The following OR5H1 variants were observed in gnomAD, a reference collection of about 807,000 sequenced individuals.
The protein encoded by OR5H1 is olfactory receptor 5H1.
For missense variants in OR5H1, 378 were observed against 366.8 expected (o/e 1.03, Z -0.25); for synonymous variants, 124 against 134.4 (o/e 0.92, Z 0.54).
Position 98,132,853 on chromosome 3 carries a change from C to G in OR5H1, c.156C>G (p.Asp52Glu), listed in dbSNP as rs367833543. 2 of 1,613,530 alleles carry G rather than the reference C, an allele frequency of 1.2e-6. No homozygotes were observed. The highest frequency in any genetic ancestry group is 8.5e-7 in the Non-Finnish European group (1 of 1,179,608). The stretch of plus-strand genomic sequence containing the variant: ...GTCTGATTGCTGTCATCTGGAAAGA[C>G]CCTCACCTTCATATCCCAATGTACT... Reference protein sequence around the residue: ...NLGLIAVIWKDPHLHIPMYLL... With the variant: ...NLGLIAVIWKEPHLHIPMYLL... Residue 52 changes from aspartate (D) to glutamate (E), a missense_variant, in exon 2 of 2, where the codon GAC becomes GAG. By Grantham distance (45) the Asp-to-Glu change is conservative. Transcript: ENST00000641874.
chr3:98,134,987 T>C lies in OR5H1; in HGVS notation c.*1348T>C, dbSNP rs775232731. On this transcript the variant is annotated 3_prime_UTR_variant, in exon 2 of 2. Coordinates refer to ENST00000641874, the MANE Select transcript of OR5H1 (RefSeq NM_001005338.2). ...GTTTTAGGTATCTTATATCTATATG[T>C]ATACATATGCATATGTTTAGTTTTT... 26 of 152,158 alleles carry C rather than the reference T, an allele frequency of 1.7e-4. No individual in the cohort carries two copies. Among genetic ancestry groups the C allele is most frequent in the Non-Finnish European group, 3.1e-4 (21 of 68,020 alleles). The allele number at this position is 152,158 out of a possible 1,614,324, so 9.4% of individuals were successfully genotyped here.
At position 98,133,480 on chromosome 3, in the gene OR5H1, C is replaced by A. The variant is rs566338612; in HGVS notation, c.783C>A (p.Gly261=). ...GACCCCTTCTCTTCATTTATGTGGG[C>A]CCTGCATCTCCGCAAGCAGATGATC... The part of the protein sequence containing the change: ...YYGPLLFIYV[G]PASPQADDQD... Residue 261 remains glycine (G), a synonymous_variant, in exon 2 of 2, where the codon GGC becomes GGA. Coordinates refer to ENST00000641874, the MANE Select transcript of OR5H1 (RefSeq NM_001005338.2). 1.2e-6 allele frequency: 2 copies of A among 1,613,508 alleles called. No individual in the cohort carries two copies. The highest frequency in any genetic ancestry group is 1.7e-6 in the Non-Finnish European group (2 of 1,179,660).
Position 98,137,530 on chromosome 3 carries a change from T to C in OR5H1, c.*3891T>C, listed in dbSNP as rs997802995. On this transcript the variant is annotated 3_prime_UTR_variant, in exon 2 of 2. Transcript: ENST00000641874. Reference sequence around the variant, plus strand: ...TTACAGATTGGCAAATCTACGAATATACAATTTCATAATTCCTAGAAGTAT... The same window carrying C: ...TTACAGATTGGCAAATCTACGAATACACAATTTCATAATTCCTAGAAGTAT... 1 of 152,200 alleles carries C rather than the reference T, an allele frequency of 6.6e-6. No individual in the cohort carries two copies. Among genetic ancestry groups the C allele is most frequent in the Non-Finnish European group, 1.5e-5 (1 of 68,032 alleles). The allele number at this position is 152,200 out of a possible 1,614,324, so 9.4% of individuals were successfully genotyped here.
In OR5H1 at chr3:98,135,432, G is replaced by C. The variant is rs1035619440; in HGVS notation, c.*1793G>C. On this transcript the variant is annotated 3_prime_UTR_variant, in exon 2 of 2. Transcript: ENST00000641874. ...TTATTTAATTATTTTAACTCATTAT[G>C]GTCAGCCTCTCATTATGGGATATTG... The C allele has an allele frequency of 2.6e-5, 4 of 152,080 alleles. No individual in the cohort carries two copies. The highest frequency in any genetic ancestry group is 9.7e-5 in the African/African-American group (4 of 41,410). 9.4% of individuals were successfully genotyped at this position (152,080 alleles called of 1,614,324 possible). A position where few individuals can be genotyped will look rare whatever the true frequency, so the allele number is the denominator to read the frequency against.
At position 98,134,477 on chromosome 3, in the gene OR5H1, A is replaced by G. The variant is rs1165260044; in HGVS notation, c.*838A>G. The G allele has an allele frequency of 6.6e-6, 1 of 152,150 alleles. No homozygotes were observed. The allele number at this position is 152,150 out of a possible 1,614,324, so 9.4% of individuals were successfully genotyped here. On this transcript the variant is annotated 3_prime_UTR_variant, in exon 2 of 2. Transcript: ENST00000641874. Reference sequence around the variant, plus strand: ...AAGCTACCAAGATGTGTAAAAATCAATAATATTGCAAGGTTGTTGGAATGT... The same window carrying G: ...AAGCTACCAAGATGTGTAAAAATCAGTAATATTGCAAGGTTGTTGGAATGT...
At position 98,135,801 on chromosome 3, in the gene OR5H1, C is replaced by T. The variant is rs1430797905; in HGVS notation, c.*2162C>T. The stretch of plus-strand genomic sequence containing the variant: ...AATAATAAAAGGTTAATGGTTAAAA[C>T]TACCTATAAGCTTAGCATGTGAGCC... On this transcript the variant is annotated 3_prime_UTR_variant, in exon 2 of 2. Transcript: ENST00000641874. 1.3e-5 allele frequency: 2 copies of T among 152,204 alleles called. No individual in the cohort carries two copies. The highest frequency in any genetic ancestry group is 4.8e-5 in the African/African-American group (2 of 41,456). The allele number at this position is 152,204 out of a possible 1,614,324, so 9.4% of individuals were successfully genotyped here. A position where few individuals can be genotyped will look rare whatever the true frequency, so the allele number is the denominator to read the frequency against.
At position 98,138,032 on chromosome 3, in the gene OR5H1, C is replaced by T. The variant is rs72927905; in HGVS notation, c.*4393C>T. The stretch of plus-strand genomic sequence containing the variant: ...TAGCAGGACGAGCCGTGGGCAAAAC[C>T]CCTCAGACACCGAGATAGTGAAGGG... On this transcript the variant is annotated 3_prime_UTR_variant, in exon 2 of 2. Transcript: ENST00000641874. 1 of 151,712 alleles carries T rather than the reference C, an allele frequency of 6.6e-6. No homozygotes were observed. Among genetic ancestry groups the T allele is most frequent in the African/African-American group, 2.4e-5 (1 of 41,268 alleles). 9.4% of individuals were successfully genotyped at this position (151,712 alleles called of 1,614,324 possible). A position where few individuals can be genotyped will look rare whatever the true frequency, so the allele number is the denominator to read the frequency against.
Position 98,134,903 on chromosome 3 carries a change from A to G in OR5H1, c.*1264A>G, listed in dbSNP as rs1326095230. ...TTTTCAAATGGAACTCTAACTAATT[A>G]TATCCCTCTTCAATTCCTTTTGTTA... On this transcript the variant is annotated 3_prime_UTR_variant, in exon 2 of 2. Transcript: ENST00000641874. 1 of 152,102 alleles carries G rather than the reference A, an allele frequency of 6.6e-6. No homozygotes were observed. The highest frequency in any genetic ancestry group is 2.4e-5 in the African/African-American group (1 of 41,428). 9.4% of individuals were successfully genotyped at this position (152,102 alleles called of 1,614,324 possible).
Position 98,135,297 on chromosome 3 carries a change from GT to G in OR5H1, c.*1663del. The G allele has an allele frequency of 6.6e-6, 1 of 152,288 alleles. No individual in the cohort carries two copies. The highest frequency in any genetic ancestry group is 2.4e-5 in the African/African-American group (1 of 41,580). The allele number at this position is 152,288 out of a possible 1,614,324, so 9.4% of individuals were successfully genotyped here. On this transcript the variant is annotated 3_prime_UTR_variant, in exon 2 of 2. Transcript: ENST00000641874. ...AATTCCTAGTTAGAAATTAGCTGGG[GT>G]TTTTGGTTGGTTAAAGTTAACTTTT...
rs777374780 is a variant in OR5H1, at chr3:98,133,520, C to G, written c.823C>G (p.Pro275Ala). The G allele has an allele frequency of 6.8e-6, 11 of 1,613,152 alleles. No homozygotes were observed. The highest frequency in any genetic ancestry group is 3.3e-4 in the Middle Eastern group (2 of 6,056). Residue 275 changes from proline to alanine, a missense_variant, in exon 2 of 2, where the codon CCT becomes GCT. Coordinates refer to ENST00000641874, the MANE Select transcript of OR5H1 (RefSeq NM_001005338.2). The stretch of plus-strand genomic sequence containing the variant: ...AGCAGATGATCAAGATATGGTGGAG[C>G]CTCTATTCTACACTGTCATCATTCC... ...PQADDQDMVE[P>A]LFYTVIIPLL...
intron 1 of OR5H1, among the ~76,000 whole-genome samples, chr3:98,131,842 C>T (rs1239453147): frequency 1.3e-5 from 2 of 152,118 alleles, no homozygotes; most frequent in East Asian, 3.9e-4. Context: ...TATCCATCTT[C>T]CCAGTCACCA....
rs1708316168 is a variant in OR5H1 at position 98,136,203 on chromosome 3, G to A, written c.*2564G>A. 2 of 151,578 alleles carry A rather than the reference G, an allele frequency of 1.3e-5. No homozygotes were observed. Among genetic ancestry groups the A allele is most frequent in the South Asian group, 4.2e-4 (2 of 4,800 alleles). The allele number at this position is 151,578 out of a possible 1,614,324, so 9.4% of individuals were successfully genotyped here. A position where few individuals can be genotyped will look rare whatever the true frequency, so the allele number is the denominator to read the frequency against. ...TTTCTTTCAAATGTAATTATAGTAA[G>A]ACTAATTTATTTACCAACTAGATCT... is the stretch of plus-strand genomic sequence containing the variant. On this transcript the variant is annotated 3_prime_UTR_variant, in exon 2 of 2. Coordinates refer to ENST00000641874, the MANE Select transcript of OR5H1 (RefSeq NM_001005338.2).
Position 98,133,931 on chromosome 3 carries a change from C to A in OR5H1, c.*292C>A, listed in dbSNP as rs1708288847. ...ATAAATGCATTAATTGCTAAAATAG[C>A]CTAGTTTATCATATAAGGACTTGAG... On this transcript the variant is annotated 3_prime_UTR_variant, in exon 2 of 2. Transcript: ENST00000641874. The A allele has an allele frequency of 7.0e-6, 2 of 283,746 alleles. No individual in the cohort carries two copies. 17.6% of individuals were successfully genotyped at this position (283,746 alleles called of 1,614,324 possible). A position where few individuals can be genotyped will look rare whatever the true frequency, so the allele number is the denominator to read the frequency against.
chr3:98,132,979 C>G lies in OR5H1; in HGVS notation c.282C>G (p.Leu94=), dbSNP rs759547413. ...TAGCTAAGAGTAAGATGATATCTCT[C>G]TCTGAATGCAAGATACAGTTTTTTT... is the stretch of plus-strand genomic sequence containing the variant. The part of the protein sequence containing the change: ...NFLAKSKMIS[L]SECKIQFFSF... Residue 94 remains leucine (L), a synonymous_variant, in exon 2 of 2, where the codon CTC becomes CTG. Coordinates refer to ENST00000641874, the MANE Select transcript of OR5H1 (RefSeq NM_001005338.2). The G allele has an allele frequency of 5.6e-6, 9 of 1,613,604 alleles. No homozygotes were observed. In the South Asian group the frequency reaches 7.7e-5, roughly 14 times the overall value.
chr3:98,132,024 G>T (rs767081578), intron 1 of OR5H1, among the ~76,000 whole-genome samples: 1 of 151,798 alleles, frequency 6.6e-6, no homozygotes, highest in Non-Finnish European at 1.5e-5. Context: ...CCCCCGGAGG[G>T]TATTTTCAAA....
rs199632607 is a variant in OR5H1 at position 98,132,881 on chromosome 3, C to T, written c.184C>T (p.Leu62Phe). 3.7e-6 allele frequency: 6 copies of T among 1,613,334 alleles called. No homozygotes were observed. The South Asian group carries it at 6.6e-5, about 18-fold the overall frequency. Residue 62 changes from leucine (L) to phenylalanine (F), a missense_variant, in exon 2 of 2, where the codon CTC (leucine) becomes TTC (phenylalanine). Physicochemically the swap from Leu to Phe is conservative, Grantham distance 22. Coordinates refer to ENST00000641874, the MANE Select transcript of OR5H1 (RefSeq NM_001005338.2). ...TCACCTTCATATCCCAATGTACTTA[C>T]TCCTTGGGAATTTAGCTTTTGTGGA... ...DPHLHIPMYLLLGNLAFVDAW... is the reference protein window; with the variant it reads ...DPHLHIPMYLFLGNLAFVDAW...
Position 98,133,251 on chromosome 3 carries a change from C to T in OR5H1, c.554C>T (p.Ser185Phe), listed in dbSNP as rs1708279834. 1.2e-6 allele frequency: 2 copies of T among 1,611,768 alleles called. No homozygotes were observed. The highest frequency in any genetic ancestry group is 1.7e-6 in the Non-Finnish European group (2 of 1,178,542). ...HHIYCDTIPLSKISCTDSSIN... is the reference protein window; with the variant it reads ...HHIYCDTIPLFKISCTDSSIN... ...ATTTACTGTGACACTATCCCATTGT[C>T]TAAGATTTCTTGTACTGATTCTTCT... The change falls in exon 2 of 2, where the codon TCT (serine) becomes TTT (phenylalanine). Residue 185 changes from serine (S) to phenylalanine (F), a missense_variant. Physicochemically the swap from Ser to Phe is radical, Grantham distance 155. Transcript: ENST00000641874.
In OR5H1 at chr3:98,133,802, T is replaced by C. The variant is rs1576097530; in HGVS notation, c.*163T>C. The C allele has an allele frequency of 3.5e-6, 2 of 575,626 alleles. No individual in the cohort carries two copies. The highest frequency in any genetic ancestry group is 3.1e-6 in the Non-Finnish European group (1 of 327,418). The allele number at this position is 575,626 out of a possible 1,614,324, so 35.7% of individuals were successfully genotyped here. A position where few individuals can be genotyped will look rare whatever the true frequency, so the allele number is the denominator to read the frequency against. On this transcript the variant is annotated 3_prime_UTR_variant, in exon 2 of 2. Coordinates refer to ENST00000641874, the MANE Select transcript of OR5H1 (RefSeq NM_001005338.2). Reference sequence around the variant, plus strand: ...CTAATCGCAATATGTCTATATGTTATTCAAAAGCATTCAAGAAATTTTCAT... The same window carrying C: ...CTAATCGCAATATGTCTATATGTTACTCAAAAGCATTCAAGAAATTTTCAT...
In OR5H1 at chr3:98,134,179, TAGAA is replaced by T. The variant is rs1236368871; in HGVS notation, c.*541_*544del. ...GGAAATGCAATGAGAAAAATAAAAATAGAAGGAATGAACAGTGAAGGCACTGCCA... is the reference window on the plus strand; with the variant it reads ...GGAAATGCAATGAGAAAAATAAAAATGGAATGAACAGTGAAGGCACTGCCA... On this transcript the variant is annotated 3_prime_UTR_variant, in exon 2 of 2. Coordinates refer to ENST00000641874, the MANE Select transcript of OR5H1 (RefSeq NM_001005338.2). The T allele has an allele frequency of 6.3e-6, 1 of 158,080 alleles. No individual in the cohort carries two copies. The highest frequency in any genetic ancestry group is 1.4e-5 in the Non-Finnish European group (1 of 71,938). The allele number at this position is 158,080 out of a possible 1,614,324, so 9.8% of individuals were successfully genotyped here.
Sources: gnomAD v4.1 joint callset for allele counts (sites outside exome capture counted in the v4.1 genomes callset) on GRCh38, gnomAD v4.1.1 for gene constraint, MANE v1.5 for transcripts, NCBI Gene and HGNC (gene_info 2026-07-23, HGNC 2026-07-21) for gene names.